Variants in CNTNAP5 observed in about 807,000 individuals in gnomAD.
CNTNAP5 encodes the protein contactin associated protein family member 5, also known as contactin-associated protein-like 5.
In CNTNAP5, 72 loss-of-function variants were observed where a neutral mutation model predicts 150.2. The observed-to-expected ratio is 0.48, with a 90% confidence interval of 0.40 to 0.58. The LOEUF (loss-of-function observed/expected upper bound fraction) is 0.58. CNTNAP5 is among the 20% of genes least tolerant of loss of function. CNTNAP5 has a pLI of 0.00. For synonymous variants in CNTNAP5, 672 were observed against 619.8 expected (o/e 1.08, Z -1.25); for missense variants, 1,636 against 1,626.2 (o/e 1.01, Z -0.10).
chr2:124,732,354 C>G (rs974577298), intron 13 of CNTNAP5, among the ~76,000 whole-genome samples: 4 of 151,956 alleles, frequency 2.6e-5, no homozygotes, highest in Non-Finnish European at 5.9e-5. Flanking sequence ...TATTTTTATT[C>G]CTCCAAAATT....
At chr2:124,046,860 A>G (rs1316774949) in intron 1 of CNTNAP5, among the ~76,000 whole-genome samples, 1 of 152,214 alleles carries the variant, frequency 6.6e-6, no homozygotes. Context: ...AGAAAGGCTG[A>G]GGCTGGACTG....
intron 1 of CNTNAP5, among the ~76,000 whole-genome samples, chr2:124,135,969 C>T (rs1166177261): frequency 2.0e-5 from 3 of 152,168 alleles, no homozygotes; most frequent in Non-Finnish European, 4.4e-5. Context: ...ACAATGGAGT[C>T]TTGTGGTGGC....
chr2:124,900,786 A>G (rs550603454), intron 21 of CNTNAP5, among the ~76,000 whole-genome samples: 1 of 151,680 alleles, frequency 6.6e-6, no homozygotes, highest in East Asian at 1.9e-4. Context: ...CCTACAATGC[A>G]AAAACCTCAT....
chr2:124,707,215 T>G (rs1679709667), intron 13 of CNTNAP5, among the ~76,000 whole-genome samples: 1 of 138,900 alleles, frequency 7.2e-6, no homozygotes, highest in Non-Finnish European at 1.6e-5. Flanking sequence ...AATAAACAAC[T>G]TGGGATCATT....
intron 9 of CNTNAP5, among the ~76,000 whole-genome samples, chr2:124,526,242 C>T (rs972375949): frequency 6.6e-6 from 1 of 152,042 alleles, no homozygotes; most frequent in Non-Finnish European, 1.5e-5. Context: ...AAACAAATGC[C>T]CCACGCGTAG....
At chr2:124,738,369 G>A (rs781057958) in intron 13 of CNTNAP5, among the ~76,000 whole-genome samples, 1 of 152,152 alleles carries the variant, frequency 6.6e-6, no homozygotes, top group Non-Finnish European at 1.5e-5. Context: ...AGATTTATAA[G>A]AGTGTCTCAA....
chr2:124,124,239 C>T (rs1194768696), intron 1 of CNTNAP5, among the ~76,000 whole-genome samples: 3 of 152,152 alleles, frequency 2.0e-5, no homozygotes, highest in Non-Finnish European at 4.4e-5. Flanking sequence ...AGCTGAAAAT[C>T]ATGGCACGAG....
intron 1 of CNTNAP5, among the ~76,000 whole-genome samples, chr2:124,159,684 T>C (rs1418153041): frequency 6.6e-6 from 1 of 152,180 alleles, no homozygotes; most frequent in Non-Finnish European, 1.5e-5. Flanking sequence ...AATTCTGTGA[T>C]TTCAGCATGA....
intron 5 of CNTNAP5, among the ~76,000 whole-genome samples, chr2:124,440,686 G>A (rs189588054): frequency 1.2e-4 from 18 of 152,122 alleles, no homozygotes; most frequent in Middle Eastern, 6.8e-3. Context: ...AGGGCCTTGG[G>A]TAGTATATAT....
chr2:124,452,467 A>G lies in CNTNAP5; in HGVS notation c.918+5530A>G, dbSNP rs140198626. On this transcript the variant is annotated intron_variant, in intron 6 of 23. Coordinates refer to ENST00000682447, the MANE Select transcript of CNTNAP5 (RefSeq NM_001367498.1). ...GGTCCTTCTCTACCCAACCTAGTAA[A>G]TGAAGAAAAAGGGCATATACTCTTG... 1.6e-3 allele frequency among the ~76,000 whole-genome samples: 239 copies of G among 152,196 alleles called. 3 individuals carry two copies. The highest frequency in any genetic ancestry group is 5.7e-3 in the African/African-American group (235 of 41,520).
chr2:124,836,032 G>A (rs939027516), intron 19 of CNTNAP5, among the ~76,000 whole-genome samples: 5 of 152,102 alleles, frequency 3.3e-5, no homozygotes, highest in Non-Finnish European at 7.4e-5. Context: ...GCTATTAGTA[G>A]ACCATGGTAA....
rs1326051511 is a variant in CNTNAP5 at position 124,025,592 on chromosome 2, C to A, written c.-59C>A. The A allele has an allele frequency of 6.7e-7, 1 of 1,503,010 alleles. No individual in the cohort carries two copies. The highest frequency in any genetic ancestry group is 1.7e-4 in the Middle Eastern group (1 of 5,810). The allele number at this position is 1,503,010 out of a possible 1,614,324, so 93.1% of individuals were successfully genotyped here. On this transcript the variant is annotated 5_prime_UTR_variant, in exon 1 of 24. Coordinates refer to ENST00000682447, the MANE Select transcript of CNTNAP5 (RefSeq NM_001367498.1). ...AGAGGAGAGAGACAGCGAGAAGAAG[C>A]CGCGGCTGGCTACTGCGAATTTGGG...
In CNTNAP5 at chr2:124,025,535, C is replaced by T. The variant is rs1680857598; in HGVS notation, c.-116C>T. ...ATGGAGTGAAAGAGCGAGTGCCTCT[C>T]CAAGCGGGGGTGGGAGGGGGTCAGG... On this transcript the variant is annotated 5_prime_UTR_variant, in exon 1 of 24. Coordinates refer to ENST00000682447, the MANE Select transcript of CNTNAP5 (RefSeq NM_001367498.1). 2.4e-6 allele frequency: 2 copies of T among 834,854 alleles called. No individual in the cohort carries two copies. The highest frequency in any genetic ancestry group is 1.9e-5 in the Admixed American group (1 of 52,586). The allele number at this position is 834,854 out of a possible 1,614,324, so 51.7% of individuals were successfully genotyped here. A position where few individuals can be genotyped will look rare whatever the true frequency, so the allele number is the denominator to read the frequency against.
At chr2:124,513,856 G>T (rs984969605) in intron 8 of CNTNAP5, among the ~76,000 whole-genome samples, 3 of 152,152 alleles carry the variant, frequency 2.0e-5, no homozygotes, top group African/African-American at 7.2e-5. Flanking sequence ...GTGGTTATAG[G>T]CTACGGCCCT....
chr2:124,467,559 AC>A lies in CNTNAP5; in HGVS notation c.919-7179del, dbSNP rs530395797. 4.0e-4 allele frequency among the ~76,000 whole-genome samples: 61 copies of A among 152,262 alleles called. No homozygotes were observed. In the Middle Eastern group the frequency reaches 0.014, roughly 34 times the overall value. Reference sequence around the variant, plus strand: ...TGGTAAATCAGACAAAAATATGAAAACAAATGATCTGAGGGATATATTTATT... The same window carrying A: ...TGGTAAATCAGACAAAAATATGAAAAAAATGATCTGAGGGATATATTTATT... On this transcript the variant is annotated intron_variant, in intron 6 of 23. Coordinates refer to ENST00000682447, the MANE Select transcript of CNTNAP5 (RefSeq NM_001367498.1).
chr2:124,730,953 C>A (rs969258197), intron 13 of CNTNAP5, among the ~76,000 whole-genome samples: 1 of 152,044 alleles, frequency 6.6e-6, no homozygotes, highest in Non-Finnish European at 1.5e-5. Flanking sequence ...GATCCTCTGG[C>A]CACTTCTTTC....
At chr2:124,910,199 G>C (rs1438680012) in intron 22 of CNTNAP5, among the ~76,000 whole-genome samples, 4 of 151,902 alleles carry the variant, frequency 2.6e-5, no homozygotes, top group Non-Finnish European at 4.4e-5. Flanking sequence ...TCTCCACATG[G>C]CTGTGTGGCA....
intron 7 of CNTNAP5, among the ~76,000 whole-genome samples, chr2:124,475,362 C>T (rs1160459181): frequency 6.6e-6 from 1 of 152,008 alleles, no homozygotes; most frequent in Admixed American, 6.6e-5. Flanking sequence ...AAATGATTTT[C>T]TAATTAAGTA....
At chr2:124,518,317 T>C (rs947913350) in intron 8 of CNTNAP5, among the ~76,000 whole-genome samples, 1 of 152,200 alleles carries the variant, frequency 6.6e-6, no homozygotes, top group African/African-American at 2.4e-5. Context: ...TATATCAAAG[T>C]AATAACAATT....
Sources: allele counts gnomAD v4.1 joint callset (sites outside exome capture counted in the v4.1 genomes callset), GRCh38; gene constraint gnomAD v4.1.1; transcripts MANE v1.5; gene names NCBI Gene and HGNC (gene_info 2026-07-23, HGNC 2026-07-21).